Variants in NDUFC1 observed in about 807,000 individuals in gnomAD.
The protein encoded by NDUFC1 is NADH:ubiquinone oxidoreductase subunit C1, also known as NADH dehydrogenase [ubiquinone] 1 subunit C1, mitochondrial.
A neutral mutation model predicts 11.6 loss-of-function variants in NDUFC1; 11 were observed. The ratio of observed to expected loss-of-function variants is 0.95; its 90% CI spans 0.60 to 1.58. The LOEUF is 1.58. NDUFC1 is among the 40% of genes most tolerant of loss of function. The probability of loss-of-function intolerance (pLI) is 0.00; values close to 1 mark genes in which losing one functional copy is unlikely to be tolerated. For synonymous variants in NDUFC1, 52 were observed against 42.2 expected (o/e 1.23, Z -0.90); for missense variants, 112 against 93.0 (o/e 1.20, Z -0.84).
At chr4:139,294,945 C>A in intron 4 of NDUFC1, 98 bp downstream of exon 4, 1 of 827,568 alleles carries the variant, frequency 1.2e-6, no homozygotes, top group South Asian at 1.4e-5. Context: ...AGTTTCACTG[C>A]CATACAACAT....
At chr4:139,293,468 C>G (rs1374035108) in intron 4 of NDUFC1, among the ~76,000 whole-genome samples, 2 of 152,202 alleles carry the variant, frequency 1.3e-5, no homozygotes, top group Admixed American at 1.3e-4. Flanking sequence ...CTAGTGCTCT[C>G]AGCAGTAATT....
chr4:139,299,808 T>C (rs1294483739), intron 1 of NDUFC1, among the ~76,000 whole-genome samples: 1 of 152,208 alleles, frequency 6.6e-6, no homozygotes, highest in Non-Finnish European at 1.5e-5. Flanking sequence ...TCTAATCAGG[T>C]ACTCAGGTTC....
Position 139,295,142 on chromosome 4 carries a change from T to G in NDUFC1, c.72A>C (p.Ser24=). The G allele has an allele frequency of 6.2e-7, 1 of 1,614,012 alleles. No individual in the cohort carries two copies. The highest frequency in any genetic ancestry group is 8.5e-7 in the Non-Finnish European group (1 of 1,179,866). The change falls in exon 4 of 6, where the codon TCA becomes TCC. Residue 24 remains serine (S), a synonymous_variant. Coordinates refer to ENST00000394223, the MANE Select transcript of NDUFC1 (RefSeq NM_001184989.2). ...LAPARLPSGP[S]VRSKFYVREP... ...CTCGCACGTAGAACTTTGATCGCACTGAAGCTGAAAGGGGAAGAGGGTCTG... is the reference window on the plus strand; with the variant it reads ...CTCGCACGTAGAACTTTGATCGCACGGAAGCTGAAAGGGGAAGAGGGTCTG...
chr4:139,290,337 T>C (rs1414864114), intron 5 of NDUFC1, among the ~76,000 whole-genome samples: 4 of 140,608 alleles, frequency 2.8e-5, no homozygotes, highest in Admixed American at 6.9e-5. Flanking sequence ...TTTTTTTTTT[T>C]GGTAGAGACA....
chr4:139,296,113 G>T (rs1163486876), intron 2 of NDUFC1, among the ~76,000 whole-genome samples, 153 bp from the exon 3 acceptor site: 1 of 152,230 alleles, frequency 6.6e-6, no homozygotes, highest in African/African-American at 2.4e-5. Flanking sequence ...AAAGTGTCGT[G>T]CTGAATAATA....
In NDUFC1 at chr4:139,295,032, A is replaced by G. The variant is rs776239810; in HGVS notation, c.171+11T>C. ...GTGTAGTCTCACGACATCCGGGAGTAAAGTACTTACATAGATCCACAAGAA... is the reference window on the plus strand; with the variant it reads ...GTGTAGTCTCACGACATCCGGGAGTGAAGTACTTACATAGATCCACAAGAA... On this transcript the variant is annotated intron_variant, in intron 4 of 5. Transcript: ENST00000394223. 1.2e-5 allele frequency: 19 copies of G among 1,603,190 alleles called. No homozygotes were observed. Among genetic ancestry groups the G allele is most frequent in the South Asian group, 3.3e-5 (3 of 90,736 alleles).
chr4:139,301,700 G>C (rs1745752713), intron 1 of NDUFC1: 1 of 1,498,092 alleles, frequency 6.7e-7, no homozygotes, highest in African/African-American at 1.4e-5. Context: ...AAGCAGCTAC[G>C]GAACGGCAGC....
At chr4:139,293,921 G>A (rs1745338815) in intron 4 of NDUFC1, among the ~76,000 whole-genome samples, 1 of 142,364 alleles carries the variant, frequency 7.0e-6, no homozygotes, top group African/African-American at 2.7e-5. Flanking sequence ...TGTAAAGCAT[G>A]TGGTGTGAAT....
At chr4:139,301,045 T>G (rs1347139930) in intron 1 of NDUFC1, 1 of 152,808 alleles carries the variant, frequency 6.5e-6, no homozygotes, top group African/African-American at 2.4e-5. Flanking sequence ...TCCCCAGGGC[T>G]GTTAACAAGT....
Position 139,295,886 on chromosome 4 carries a change from G to C in NDUFC1, c.-88C>G. 1 of 1,362,960 alleles carries C rather than the reference G, an allele frequency of 7.3e-7. No individual in the cohort carries two copies. The highest frequency in any genetic ancestry group is 1.0e-6 in the Non-Finnish European group (1 of 1,003,930). 84.4% of individuals were successfully genotyped at this position (1,362,960 alleles called of 1,614,324 possible). ...AAGTGCGGGACTCGAGGGCTCTGCA[G>C]CAGAGCTCCGTGGGGGCGTCAACGT... On this transcript the variant is annotated 5_prime_UTR_variant, in exon 3 of 6. Transcript: ENST00000394223.
Position 139,292,520 on chromosome 4 carries a change from G to C in NDUFC1, c.*20+10C>G. 2 of 1,309,426 alleles carry C rather than the reference G, an allele frequency of 1.5e-6. No homozygotes were observed. The highest frequency in any genetic ancestry group is 2.2e-6 in the Non-Finnish European group (2 of 927,676). 81.1% of individuals were successfully genotyped at this position (1,309,426 alleles called of 1,614,324 possible). On this transcript the variant is annotated intron_variant, in intron 5 of 5. Transcript: ENST00000394223. ...CATAATCTATTCATCCAATAAGCTT[G>C]TATACTTACTACATTAGTGTTTCAA...
intron 5 of NDUFC1, among the ~76,000 whole-genome samples, chr4:139,291,169 C>G (rs1745198319): frequency 6.6e-6 from 1 of 151,394 alleles, no homozygotes; most frequent in East Asian, 1.9e-4. Flanking sequence ...AATCACAGAC[C>G]ATGCAGAATA....
At chr4:139,294,906 C>A (rs909547274) in intron 4 of NDUFC1, 137 bp downstream of exon 4, 2 of 583,534 alleles carry the variant, frequency 3.4e-6, no homozygotes, top group Non-Finnish European at 3.1e-6. Context: ...TACGTATCAG[C>A]GATTATATAA....
Position 139,295,717 on chromosome 4 carries a change from G to A in NDUFC1, c.67+15C>T, listed in dbSNP as rs150423343. 1.2e-3 allele frequency: 1,826 copies of A among 1,539,736 alleles called. 19 individuals carry two copies. The African/African-American group carries it at 0.023, about 19-fold the overall frequency. On this transcript the variant is annotated intron_variant, in intron 3 of 5. Coordinates refer to ENST00000394223, the MANE Select transcript of NDUFC1 (RefSeq NM_001184989.2). ...ATCTGAGGGTCGAGTCGGCCTGCAC[G>A]AGGAGGATACTCACGGCCGCTCGGG...
intron 3 of NDUFC1, 65 bp from the exon 4 acceptor site, chr4:139,295,211 T>C: frequency 8.1e-7 from 1 of 1,234,728 alleles, no homozygotes; most frequent in Non-Finnish European, 1.2e-6. Context: ...ACCCTAACAT[T>C]TACGTGCGTA....
intron 1 of NDUFC1, chr4:139,301,589 G>C (rs1488549322): frequency 3.1e-6 from 2 of 639,598 alleles, no homozygotes; most frequent in South Asian, 3.9e-5. Flanking sequence ...CGTTAAGTGA[G>C]AAAGGAAAAA....
At chr4:139,292,318 A>C (rs1218577230) in intron 5 of NDUFC1, among the ~76,000 whole-genome samples, 1 of 151,948 alleles carries the variant, frequency 6.6e-6, no homozygotes, top group Non-Finnish European at 1.5e-5. Flanking sequence ...AAACAAACAA[A>C]CAACAAACAA....
chr4:139,295,880 T>G lies in NDUFC1; in HGVS notation c.-82A>C. On this transcript the variant is annotated 5_prime_UTR_variant, in exon 3 of 6. Coordinates refer to ENST00000394223, the MANE Select transcript of NDUFC1 (RefSeq NM_001184989.2). Reference sequence around the variant, plus strand: ...GGCCGGAAGTGCGGGACTCGAGGGCTCTGCAGCAGAGCTCCGTGGGGGCGT... The same window carrying G: ...GGCCGGAAGTGCGGGACTCGAGGGCGCTGCAGCAGAGCTCCGTGGGGGCGT... 7.1e-7 allele frequency: 1 copy of G among 1,416,914 alleles called. No homozygotes were observed. The highest frequency in any genetic ancestry group is 2.7e-5 in the East Asian group (1 of 37,530). The allele number at this position is 1,416,914 out of a possible 1,614,324, so 87.8% of individuals were successfully genotyped here. A position where few individuals can be genotyped will look rare whatever the true frequency, so the allele number is the denominator to read the frequency against.
intron 4 of NDUFC1, among the ~76,000 whole-genome samples, chr4:139,293,078 C>T (rs989417183): frequency 6.6e-6 from 1 of 152,104 alleles, no homozygotes; most frequent in African/African-American, 2.4e-5. Flanking sequence ...CCTCGGCCTC[C>T]CAAAGTGTTG....
Sources: gnomAD v4.1 joint callset for allele counts (sites outside exome capture counted in the v4.1 genomes callset) on GRCh38, gnomAD v4.1.1 for gene constraint, MANE v1.5 for transcripts, NCBI Gene and HGNC (gene_info 2026-07-23, HGNC 2026-07-21) for gene names.